Variants in MTMR14 observed in about 807,000 individuals in gnomAD.
The protein encoded by MTMR14 is myotubularin related protein 14.
Under a neutral mutation model 86.3 loss-of-function variants are expected in MTMR14, and 48 were observed. That is an observed-to-expected ratio of 0.56 (90% CI 0.44 to 0.71). The LOEUF is 0.71. Ranked by LOEUF, MTMR14 falls within the 30% of genes least tolerant of loss-of-function variation. MTMR14 has a pLI of 0.00. For synonymous variants in MTMR14, 366 were observed against 326.1 expected (o/e 1.12, Z -1.32); for missense variants, 780 against 834.6 (o/e 0.93, Z 0.81).
In MTMR14 at chr3:9,701,844, C is replaced by G. The variant is rs374180282; in HGVS notation, c.1824C>G (p.Phe608Leu). 6.2e-7 allele frequency: 1 copy of G among 1,613,770 alleles called. No individual in the cohort carries two copies. Among genetic ancestry groups the G allele is most frequent in the African/African-American group, 1.3e-5 (1 of 74,952 alleles). ...GGCTGCAGGAGGTGCGCTCAGCCTT[C>G]TTGGCTGCGTACAGCAGCACAGTGG... ...ETRLQEVRSA[F>L]LAAYSSTVGL... is the part of the protein sequence containing the mutation. Residue 608 changes from phenylalanine (F) to leucine (L), a missense_variant, in exon 19 of 19, where the codon TTC (phenylalanine) becomes TTG (leucine). By Grantham distance (22) the Phe-to-Leu change is conservative. Coordinates refer to ENST00000296003, the MANE Select transcript of MTMR14 (RefSeq NM_001077525.3). This position sits in a 1 kb window ranked among gnomAD's most constrained non-coding sequence, Gnocchi z 4.2.
intron 4 of MTMR14, 74 bp from the exon 5 acceptor site, chr3:9,669,358 A>C: frequency 1.3e-6 from 2 of 1,488,980 alleles, no homozygotes; most frequent in Non-Finnish European, 1.9e-6. Context: ...ATGGGGAAGG[A>C]GGCTGGTGAG....
intron 2 of MTMR14, chr3:9,659,955 A>G: frequency 4.8e-6 from 2 of 413,602 alleles, no homozygotes; most frequent in Admixed American, 5.2e-5. Context: ...TGGGAAAATC[A>G]GATGTAGGCA....
At chr3:9,668,678 C>T (rs1200958334) in intron 3 of MTMR14, 41 bp from the exon 4 acceptor site, 2 of 1,608,008 alleles carry the variant, frequency 1.2e-6, no homozygotes, top group Non-Finnish European at 8.5e-7. Flanking sequence ...GTGCATGCTT[C>T]AGAAAACCAT....
At chr3:9,658,446 A>G (rs993989463) in intron 2 of MTMR14, among the ~76,000 whole-genome samples, 2 of 152,198 alleles carry the variant, frequency 1.3e-5, no homozygotes, top group Non-Finnish European at 2.9e-5. Context: ...TCAGGGATCA[A>G]GTTGGAAGCC....
chr3:9,649,661 G>T lies in MTMR14; in HGVS notation c.78G>T (p.Glu26Asp). 1 of 1,599,804 alleles carries T rather than the reference G, an allele frequency of 6.3e-7. No homozygotes were observed. Among genetic ancestry groups the T allele is most frequent in the Non-Finnish European group, 8.5e-7 (1 of 1,173,664 alleles). ...SASSGNQPPQ[E>D]LGLGELLEEF... is the part of the protein sequence containing the mutation. ...CTTCAGGCAACCAGCCGCCTCAGGAGCTGGGGCTTGGGGAGCTGCTGGAGG... is the reference window on the plus strand; with the variant it reads ...CTTCAGGCAACCAGCCGCCTCAGGATCTGGGGCTTGGGGAGCTGCTGGAGG... Residue 26 changes from glutamate to aspartate, a missense_variant, in exon 1 of 19, where the codon GAG becomes GAT. Transcript: ENST00000296003.
rs778394734 is a variant in MTMR14, at chr3:9,650,306, T to A, written c.159+564T>A. The A allele has an allele frequency of 2.2e-4, 99 of 456,588 alleles. 2 individuals carry two copies. The highest frequency in any genetic ancestry group is 1.5e-3 in the South Asian group (96 of 64,562). The allele number at this position is 456,588 out of a possible 1,614,324, so 28.3% of individuals were successfully genotyped here. On this transcript the variant is annotated intron_variant, in intron 1 of 18. Coordinates refer to ENST00000296003, the MANE Select transcript of MTMR14 (RefSeq NM_001077525.3). ...AGCAGGTCTCCGTTCCTCTTTTTGC[T>A]CCCTTTGGGATTTCCACCCAGTCGT...
chr3:9,652,217 G>A (rs558408989), intron 1 of MTMR14, among the ~76,000 whole-genome samples: 8 of 151,786 alleles, frequency 5.3e-5, no homozygotes, highest in East Asian at 2.0e-4. Context: ...TGCCCTCCTC[G>A]GTGCCTCCCA....
chr3:9,680,770 G>C (rs988142397), intron 9 of MTMR14, among the ~76,000 whole-genome samples: 4 of 152,238 alleles, frequency 2.6e-5, no homozygotes, highest in African/African-American at 9.6e-5. Context: ...CCGGGAGGCG[G>C]AGCTTGCGGT....
Position 9,678,040 on chromosome 3 carries a change from T to A in MTMR14, c.879T>A (p.Ile293=), listed in dbSNP as rs774362712. 11 of 1,614,006 alleles carry A rather than the reference T, an allele frequency of 6.8e-6. No individual in the cohort carries two copies. Among genetic ancestry groups the A allele is most frequent in the Non-Finnish European group, 9.3e-6 (11 of 1,179,986 alleles). ...ACTTCCTGACTCACTCTCTGAACAT[T>A]GACTGGAGCCAGTATCAGGTGAGGG... is the stretch of plus-strand genomic sequence containing the variant. ...IPDFLTHSLN[I]DWSQYQCWDL... is the part of the protein sequence containing the mutation. The change falls in exon 9 of 19, where the codon ATT becomes ATA. Residue 293 remains isoleucine (I), a synonymous_variant. Coordinates refer to ENST00000296003, the MANE Select transcript of MTMR14 (RefSeq NM_001077525.3).
rs1004371581 is a variant in MTMR14 at position 9,660,220 on chromosome 3, A to G, written c.309-2047A>G. ...TGGTTCTCTGTGAGCTTGTGTGCCT[A>G]GGGCTGCCTGGTGGGTTGCTGCCAC... On this transcript the variant is annotated intron_variant, in intron 2 of 18. Coordinates refer to ENST00000296003, the MANE Select transcript of MTMR14 (RefSeq NM_001077525.3). Among the ~76,000 whole-genome samples the G allele has an allele frequency of 2.7e-5, 4 of 150,850 alleles. No individual in the cohort carries two copies. In the East Asian group the frequency reaches 5.8e-4, roughly 22 times the overall value.
At chr3:9,691,200 A>G (rs534872017) in intron 17 of MTMR14, among the ~76,000 whole-genome samples, 2 of 152,196 alleles carry the variant, frequency 1.3e-5, no homozygotes, top group South Asian at 4.2e-4. Flanking sequence ...CCCTGCGTGA[A>G]CTCTTCAGCT....
Position 9,702,129 on chromosome 3 carries a change from CAA to C in MTMR14, c.*158_*159del, listed in dbSNP as rs1334243027. On this transcript the variant is annotated 3_prime_UTR_variant, in exon 19 of 19. Transcript: ENST00000296003. Reference sequence around the variant, plus strand: ...TGGCAGCCCCAAAGCTGAGCAAGGCCAAAGACAGGGTTTTCCAACCCCCAGCC... The same window carrying C: ...TGGCAGCCCCAAAGCTGAGCAAGGCCAGACAGGGTTTTCCAACCCCCAGCC... 6.1e-6 allele frequency: 6 copies of C among 976,956 alleles called. No individual in the cohort carries two copies. The South Asian group carries it at 8.4e-5, about 14-fold the overall frequency. The allele number at this position is 976,956 out of a possible 1,614,324, so 60.5% of individuals were successfully genotyped here. A position where few individuals can be genotyped will look rare whatever the true frequency, so the allele number is the denominator to read the frequency against.
At chr3:9,689,791 A>G (rs1259202991) in intron 16 of MTMR14, among the ~76,000 whole-genome samples, 173 bp from the exon 17 acceptor site, 1 of 152,232 alleles carries the variant, frequency 6.6e-6, no homozygotes, top group East Asian at 1.9e-4. Flanking sequence ...GGCCCTCCAT[A>G]AAGACCCAGC....
Position 9,688,747 on chromosome 3 carries a change from C to T in MTMR14, c.1287C>T (p.Cys429=), listed in dbSNP as rs2076043431. Residue 429 remains cysteine (C), a synonymous_variant, in exon 15 of 19, where the codon TGC becomes TGT. Coordinates refer to ENST00000296003, the MANE Select transcript of MTMR14 (RefSeq NM_001077525.3). The part of the protein sequence containing the change: ...RDGGFTLEDI[C]MLRRKDRGST... ...GAGGCTTCACCCTGGAAGACATCTG[C>T]ATGCTGAGTGAGTCCTGGGCCCCAA... 2 of 1,614,036 alleles carry T rather than the reference C, an allele frequency of 1.2e-6. No homozygotes were observed. Among genetic ancestry groups the T allele is most frequent in the Non-Finnish European group, 1.7e-6 (2 of 1,180,036 alleles).
rs1046768707 is a variant in MTMR14, at chr3:9,649,530, A to T, written c.-54A>T. The T allele has an allele frequency of 8.0e-6, 12 of 1,504,902 alleles. No homozygotes were observed. The Admixed American group carries it at 8.9e-5, about 11-fold the overall frequency. The allele number at this position is 1,504,902 out of a possible 1,614,324, so 93.2% of individuals were successfully genotyped here. ...AGGTTCTAGTGTCGGAGTTGGGTGC[A>T]GGCAGGTGCCATGGGCCCGCTTGAG... On this transcript the variant is annotated 5_prime_UTR_variant, in exon 1 of 19. Transcript: ENST00000296003.
intron 7 of MTMR14, among the ~76,000 whole-genome samples, chr3:9,675,088 G>A (rs1359175901): frequency 3.3e-5 from 5 of 152,228 alleles, no homozygotes; most frequent in African/African-American, 9.7e-5. Flanking sequence ...TCCAGTCTGG[G>A]CAACAAGAGG....
intron 5 of MTMR14, among the ~76,000 whole-genome samples, chr3:9,670,831 G>A (rs1174660459): frequency 1.3e-5 from 2 of 152,294 alleles, no homozygotes; most frequent in East Asian, 3.9e-4. Flanking sequence ...TCTCTTCTTT[G>A]AAATACATCC....
At chr3:9,671,345 C>A (rs568718088) in intron 6 of MTMR14, among the ~76,000 whole-genome samples, 175 bp downstream of exon 6, 1 of 152,298 alleles carries the variant, frequency 6.6e-6, no homozygotes, top group Admixed American at 6.5e-5. Flanking sequence ...CCCCCTCTTA[C>A]AGACACTGAA....
At chr3:9,669,939 C>T (rs1334454905) in intron 5 of MTMR14, among the ~76,000 whole-genome samples, 2 of 152,186 alleles carry the variant, frequency 1.3e-5, no homozygotes, top group African/African-American at 4.8e-5. Flanking sequence ...CTGGAAGGCA[C>T]ATTTGGAGAC....
Sources: allele counts gnomAD v4.1 joint callset (sites outside exome capture counted in the v4.1 genomes callset), GRCh38; gene constraint gnomAD v4.1.1; non-coding constraint Gnocchi (gnomAD v3.1); transcripts MANE v1.5; gene names NCBI Gene and HGNC (gene_info 2026-07-23, HGNC 2026-07-21).